MYLK: variants seen among roughly 807,000 people sequenced by gnomAD.
MYLK encodes the protein myosin light chain kinase, also known as myosin light chain kinase, smooth muscle.
Under a neutral mutation model 203.4 loss-of-function variants are expected in MYLK, and 106 were observed. The ratio of observed to expected loss-of-function variants is 0.52; its 90% CI spans 0.45 to 0.61. The LOEUF (loss-of-function observed/expected upper bound fraction) is 0.61. Ranked by LOEUF, MYLK falls within the 20% of genes least tolerant of loss-of-function variation. The pLI is 0.00. For missense variants in MYLK, 2,072 were observed against 2,442.3 expected (o/e 0.85, Z 3.20); for synonymous variants, 867 against 959.5 (o/e 0.90, Z 1.78).
chr3:123,731,431 A>T (rs1347815242), intron 11 of MYLK, among the ~76,000 whole-genome samples: 2 of 152,082 alleles, frequency 1.3e-5, no homozygotes, highest in Non-Finnish European at 2.9e-5. Flanking sequence ...CTTTTCTTCC[A>T]TTTACACATG....
chr3:123,720,341 CT>C (rs377495105), intron 13 of MYLK, among the ~76,000 whole-genome samples: 21 of 152,292 alleles, frequency 1.4e-4, no homozygotes, highest in African/African-American at 5.1e-4. Flanking sequence ...CTGGGTCACT[CT>C]AATCCAATCT....
intron 20 of MYLK, among the ~76,000 whole-genome samples, chr3:123,672,557 G>A (rs1476647898): frequency 6.6e-6 from 1 of 152,228 alleles, no homozygotes; most frequent in African/African-American, 2.4e-5. Context: ...GATGAGCTAG[G>A]AGCACAGCAT....
At chr3:123,651,024 G>A (rs368576645) in intron 24 of MYLK, among the ~76,000 whole-genome samples, 48 of 152,184 alleles carry the variant, frequency 3.2e-4, no homozygotes, top group African/African-American at 1.1e-3. Context: ...TGGAGCTCTG[G>A]CTGTCGGCAG....
chr3:123,866,617 G>T (rs991346910), intron 2 of MYLK, among the ~76,000 whole-genome samples: 1 of 152,088 alleles, frequency 6.6e-6, no homozygotes, highest in African/African-American at 2.4e-5. Context: ...TTTTAGAGAG[G>T]CCAGGAAAGG....
chr3:123,844,257 G>A (rs1240945305), intron 2 of MYLK, among the ~76,000 whole-genome samples: 1 of 152,140 alleles, frequency 6.6e-6, no homozygotes, highest in African/African-American at 2.4e-5. Flanking sequence ...AGGGGTAGGA[G>A]GAGCAGGAAG....
chr3:123,708,552 G>C (rs988592378), intron 15 of MYLK, 146 bp downstream of exon 15: 1 of 816,904 alleles, frequency 1.2e-6, no homozygotes, highest in Non-Finnish European at 1.9e-6. Context: ...CAGGGAGCTG[G>C]CCTCTGGGGC....
At position 123,680,534 on chromosome 3, in the gene MYLK, T is replaced by G. The variant is rs145001430; in HGVS notation, c.3652+1690A>C. Among the ~76,000 whole-genome samples, 640 of 152,380 alleles carry G rather than the reference T, an allele frequency of 4.2e-3. 6 individuals are homozygous for G. Among genetic ancestry groups the G allele is most frequent in the African/African-American group, 0.015 (628 of 41,592 alleles). On this transcript the variant is annotated intron_variant, in intron 20 of 33. Transcript: ENST00000360304. ...TCACCAGATTTTTCTTGGTATTATG[T>G]ATGCATTTCCAACAACTTATTAAAT...
At chr3:123,821,193 T>C (rs2065925691) in intron 3 of MYLK, among the ~76,000 whole-genome samples, 1 of 152,232 alleles carries the variant, frequency 6.6e-6, no homozygotes, top group Non-Finnish European at 1.5e-5. Flanking sequence ...ACTCTTGAAC[T>C]ATCATGCTTT....
chr3:123,779,951 A>G (rs770132762), intron 4 of MYLK, among the ~76,000 whole-genome samples: 1 of 152,184 alleles, frequency 6.6e-6, no homozygotes, highest in Non-Finnish European at 1.5e-5. Context: ...ACCTTTGAAT[A>G]CAGGGACAGT....
chr3:123,826,700 T>C (rs1034214417), intron 3 of MYLK, among the ~76,000 whole-genome samples: 6 of 152,178 alleles, frequency 3.9e-5, no homozygotes, highest in Non-Finnish European at 7.3e-5. Context: ...CATTTACATT[T>C]ATATCCTCCA....
At chr3:123,645,827 T>C (rs186236305) in intron 27 of MYLK, among the ~76,000 whole-genome samples, 139 of 152,352 alleles carry the variant, frequency 9.1e-4, no homozygotes, top group African/African-American at 3.2e-3. Context: ...GAGATGGGAC[T>C]AACTCCCATA....
chr3:123,629,842 C>T lies in MYLK; in HGVS notation c.4962-216G>A. On this transcript the variant is annotated intron_variant, in intron 29 of 33. Transcript: ENST00000360304. The surrounding 1 kb of genome is among the most constrained non-coding windows in gnomAD (Gnocchi z 4.4). The stretch of plus-strand genomic sequence containing the variant: ...TTGGTCACCTGCCTCTTGACACCAC[C>T]TACCTGTGAGGCTGAGGTGCAGCAG... 1.7e-6 allele frequency: 1 copy of T among 583,260 alleles called. No individual in the cohort carries two copies. The highest frequency in any genetic ancestry group is 3.1e-6 in the Non-Finnish European group (1 of 327,218). 36.1% of individuals were successfully genotyped at this position (583,260 alleles called of 1,614,324 possible).
chr3:123,687,465 A>C (rs558799245), intron 19 of MYLK, among the ~76,000 whole-genome samples: 2 of 152,218 alleles, frequency 1.3e-5, no homozygotes, highest in African/African-American at 4.8e-5. Flanking sequence ...GGCTATTGTT[A>C]CTATCACTCC....
intron 19 of MYLK, among the ~76,000 whole-genome samples, chr3:123,684,777 C>A (rs766997125): frequency 2.0e-5 from 3 of 152,204 alleles, no homozygotes; most frequent in Non-Finnish European, 4.4e-5. Flanking sequence ...CTCAGGTGAT[C>A]TGCCTGCGTC....
intron 2 of MYLK, among the ~76,000 whole-genome samples, chr3:123,858,688 A>C (rs1455733190): frequency 6.6e-6 from 1 of 152,108 alleles, no homozygotes; most frequent in Non-Finnish European, 1.5e-5. Context: ...TTAATCCATT[A>C]ATCCATGAAT....
chr3:123,768,454 G>A (rs1038907327), intron 4 of MYLK, among the ~76,000 whole-genome samples: 9 of 152,160 alleles, frequency 5.9e-5, no homozygotes, highest in African/African-American at 2.2e-4. Flanking sequence ...AGTAAGGACA[G>A]CCCTGACCTG....
intron 3 of MYLK, among the ~76,000 whole-genome samples, chr3:123,800,496 A>G (rs188871541): frequency 5.9e-5 from 9 of 152,180 alleles, no homozygotes; most frequent in Admixed American, 1.3e-4. Flanking sequence ...CTCATAAGGA[A>G]CTGCACTGAT....
chr3:123,869,541 T>C (rs2032593256), intron 2 of MYLK, among the ~76,000 whole-genome samples: 1 of 152,110 alleles, frequency 6.6e-6, no homozygotes, highest in Non-Finnish European at 1.5e-5. Context: ...CCTCCCCATC[T>C]TTCAGCTCTG....
In MYLK at chr3:123,613,846, T is replaced by A. The variant is rs2057316624; in HGVS notation, c.*259A>T. 4.0e-6 allele frequency: 2 copies of A among 495,520 alleles called. No homozygotes were observed. Among genetic ancestry groups the A allele is most frequent in the East Asian group, 7.6e-5 (2 of 26,374 alleles). The allele number at this position is 495,520 out of a possible 1,614,324, so 30.7% of individuals were successfully genotyped here. ...TTACTTTCTCTCTAAAATCAATTGG[T>A]CAGTCAAGTTACTGGTGATTTCCCT... On this transcript the variant is annotated 3_prime_UTR_variant, in exon 34 of 34. Coordinates refer to ENST00000360304, the MANE Select transcript of MYLK (RefSeq NM_053025.4).
Sources: allele counts gnomAD v4.1 joint callset (sites outside exome capture counted in the v4.1 genomes callset), GRCh38; gene constraint gnomAD v4.1.1; non-coding constraint Gnocchi (gnomAD v3.1); transcripts MANE v1.5; gene names NCBI Gene and HGNC (gene_info 2026-07-23, HGNC 2026-07-21).